Variants in TULP4 observed in about 807,000 individuals in gnomAD.
TULP4 encodes the protein tubby-related protein 4.
A neutral mutation model predicts 129.0 loss-of-function variants in TULP4; 16 were observed. The ratio of observed to expected loss-of-function variants is 0.12; its 90% CI spans 0.08 to 0.19. TULP4 has a LOEUF of 0.19. Ranked by LOEUF, TULP4 falls within the 10% of genes least tolerant of loss-of-function variation. The pLI is 1.00. For synonymous variants in TULP4, 998 were observed against 854.0 expected, an observed-to-expected ratio of 1.17 and a Z score of -2.94; for missense variants, 1,842 against 2,059.1, an observed-to-expected ratio of 0.89 and a Z score of 2.04.
upstream of TULP4, among the ~76,000 whole-genome samples, chr6:158,311,137 T>C (rs763532457): frequency 1.3e-5 from 2 of 152,212 alleles, no homozygotes; most frequent in Non-Finnish European, 2.9e-5. Context: ...AGTCTTTTGC[T>C]GGGACTTGAT....
intron 1 of TULP4, among the ~76,000 whole-genome samples, chr6:158,307,174 T>C (rs1779229218): frequency 6.6e-6 from 1 of 152,230 alleles, no homozygotes; most frequent in African/African-American, 2.4e-5. Flanking sequence ...TTGGCAGCAA[T>C]ATCTAATGTC....
At chr6:158,497,518 A>G (rs775844725) in intron 11 of TULP4, among the ~76,000 whole-genome samples, 18 of 152,202 alleles carry the variant, frequency 1.2e-4, no homozygotes, top group Admixed American at 5.9e-4. Flanking sequence ...TCAGCCACCT[A>G]CTTTTCTTTC....
chr6:158,316,803 C>G (rs1779502655), intron 1 of TULP4, among the ~76,000 whole-genome samples: 1 of 152,154 alleles, frequency 6.6e-6, no homozygotes, highest in Non-Finnish European at 1.5e-5. Flanking sequence ...GGGCCTTCTT[C>G]CAAGCTCATT....
At chr6:158,250,182 G>A (rs1778113317) in intron 1 of TULP4, among the ~76,000 whole-genome samples, 1 of 148,286 alleles carries the variant, frequency 6.7e-6, no homozygotes, top group Non-Finnish European at 1.5e-5. Context: ...GTTTTGAGAC[G>A]GAGTGTCGCT....
At chr6:158,283,153 A>C (rs866857023) in intron 1 of TULP4, among the ~76,000 whole-genome samples, 1 of 147,542 alleles carries the variant, frequency 6.8e-6, no homozygotes, top group Non-Finnish European at 1.5e-5. Flanking sequence ...AAAAAAAAAC[A>C]AAAAAAAACC....
In TULP4 at chr6:158,502,459, G is replaced by C; in HGVS notation, c.2796G>C (p.Lys932Asn). The C allele has an allele frequency of 6.2e-7, 1 of 1,613,394 alleles. No individual in the cohort carries two copies. The highest frequency in any genetic ancestry group is 1.1e-5 in the South Asian group (1 of 91,056). The change falls in exon 13 of 14, where the codon AAG (lysine) becomes AAC (asparagine). Residue 932 changes from lysine to asparagine, a missense_variant. Lys to Asn is a moderately conservative substitution (Grantham distance 94). Around this residue, in one of 5 missense-constraint regions of TULP4, gnomAD observed 1,089 missense variants for 987.1 expected, o/e 1.10. Coordinates refer to ENST00000367097, the MANE Select transcript of TULP4 (RefSeq NM_020245.5). ...CCTTGAGGCTCACGGCCACTGAGAA[G>C]AAGGTCCCTCAGCCCTGCAGCAGTG... ...SATLRLTATE[K>N]KVPQPCSSAT...
chr6:158,364,271 G>C (rs1780870356), intron 1 of TULP4, among the ~76,000 whole-genome samples: 1 of 152,216 alleles, frequency 6.6e-6, no homozygotes, highest in Admixed American at 6.5e-5. Flanking sequence ...GATGCAGAGA[G>C]TTAGTTTAGA....
chr6:158,316,172 T>C (rs1250055029), intron 1 of TULP4, among the ~76,000 whole-genome samples: 3 of 152,238 alleles, frequency 2.0e-5, no homozygotes, highest in African/African-American at 7.2e-5. Context: ...GGAAGATACC[T>C]GGTGTTTTTC....
At chr6:158,480,994 T>C (rs1779928961) in intron 7 of TULP4, 61 bp from the exon 8 acceptor site, 2 of 1,477,288 alleles carry the variant, frequency 1.4e-6, no homozygotes, top group African/African-American at 2.8e-5. Flanking sequence ...GCCCACTCTC[T>C]TTCCCTCTCT....
intron 1 of TULP4, among the ~76,000 whole-genome samples, chr6:158,302,339 A>C (rs956379577): frequency 1.3e-5 from 2 of 152,220 alleles, no homozygotes; most frequent in African/African-American, 4.8e-5. Context: ...AATAGTCTTT[A>C]AGATCAGTAA....
chr6:158,237,649 GGGT>G, intron 1 of TULP4: 1 of 1,309,930 alleles, frequency 7.6e-7, no homozygotes, highest in Non-Finnish European at 1.1e-6. Context: ...GGTAAGTTTT[GGGT>G]CATAATTCTT....
chr6:158,258,372 A>G (rs980433760), intron 1 of TULP4, among the ~76,000 whole-genome samples: 5 of 152,216 alleles, frequency 3.3e-5, no homozygotes, highest in African/African-American at 1.2e-4. Flanking sequence ...TCCAGGTGGC[A>G]CAACATGGCT....
At chr6:158,285,025 A>G (rs894074418) in intron 1 of TULP4, among the ~76,000 whole-genome samples, 9 of 152,128 alleles carry the variant, frequency 5.9e-5, no homozygotes, top group Non-Finnish European at 1.2e-4. Context: ...CGGGTTCAAC[A>G]CTTTTCTGTT....
chr6:158,283,193 G>C (rs963279741), intron 1 of TULP4, among the ~76,000 whole-genome samples: 8 of 151,346 alleles, frequency 5.3e-5, no homozygotes, highest in African/African-American at 1.9e-4. Flanking sequence ...TAAGAACCTA[G>C]ATACAGTGCC....
At chr6:158,448,036 T>C (rs1779090197) in intron 3 of TULP4, among the ~76,000 whole-genome samples, 1 of 152,210 alleles carries the variant, frequency 6.6e-6, no homozygotes, top group Admixed American at 6.5e-5. Context: ...CCTCTCAGGA[T>C]GTCCCACTGG....
At chr6:158,427,470 C>CTTTTTTTTTTTTTTTTTTT (rs1251385882) in intron 2 of TULP4, among the ~76,000 whole-genome samples, 6 of 100,678 alleles carry the variant, frequency 6.0e-5, no homozygotes, top group Non-Finnish European at 7.8e-5. Context: ...AATTATCAGA[C>CTTTTTTTTTTTTTTTTTTT]CTTTTTTTTT....
At position 158,503,929 on chromosome 6, in the gene TULP4, G is replaced by C. The variant is rs1582887022; in HGVS notation, c.4266G>C (p.Gln1422His). The C allele has an allele frequency of 6.8e-6, 11 of 1,613,950 alleles. No homozygotes were observed. In the East Asian group the frequency reaches 2.5e-4, roughly 36 times the overall value. The change falls in exon 13 of 14, where the codon CAG (glutamine) becomes CAC (histidine). Residue 1422 changes from glutamine to histidine, a missense_variant. Around this residue, in one of 5 missense-constraint regions of TULP4, gnomAD observed 1,089 missense variants for 987.1 expected, o/e 1.10. Transcript: ENST00000367097. This position sits in a 1 kb window ranked among gnomAD's most constrained non-coding sequence, Gnocchi z 4.3. ...TCAGCGGGGATGAGCTCATGAACCA[G>C]AGCCAGGGCAGCAGAAAGGGCTGGA... ...LFISGDELMN[Q>H]SQGSRKGWKS...
intron 1 of TULP4, among the ~76,000 whole-genome samples, chr6:158,320,683 C>G (rs1424022219): frequency 6.6e-6 from 1 of 152,210 alleles, no homozygotes; most frequent in African/African-American, 2.4e-5. Context: ...CCACCCGCCT[C>G]AGCCTCCCCA....
At position 158,498,742 on chromosome 6, in the gene TULP4, T is replaced by C; in HGVS notation, c.1944T>C (p.Ile648=). Residue 648 remains isoleucine, a synonymous_variant, in exon 12 of 14, where the codon ATT becomes ATC. Transcript: ENST00000367097. ...MTIYLPEVRK[I]SMDYINLPVF... ...TTTATCTCCCAGAAGTTCGGAAAATTTCCATGGACTATATTAATTTACCTG... is the reference window on the plus strand; with the variant it reads ...TTTATCTCCCAGAAGTTCGGAAAATCTCCATGGACTATATTAATTTACCTG... 6.2e-7 allele frequency: 1 copy of C among 1,614,188 alleles called. No homozygotes were observed. The highest frequency in any genetic ancestry group is 8.5e-7 in the Non-Finnish European group (1 of 1,180,022).
Sources: allele counts gnomAD v4.1 joint callset (sites outside exome capture counted in the v4.1 genomes callset), GRCh38; gene constraint gnomAD v4.1.1; regional missense constraint gnomAD v4.1.1; non-coding constraint Gnocchi (gnomAD v3.1); transcripts MANE v1.5; gene names NCBI Gene and HGNC (gene_info 2026-07-23, HGNC 2026-07-21).